PDE4D: variants seen among roughly 807,000 people sequenced by gnomAD.
PDE4D encodes phosphodiesterase 4D.
Under a neutral mutation model 87.4 loss-of-function variants are expected in PDE4D, and 24 were observed. That is an observed-to-expected ratio of 0.27 (90% CI 0.20 to 0.39). PDE4D has a LOEUF of 0.39. Ranked by LOEUF, PDE4D falls within the 10% of genes least tolerant of loss-of-function variation. PDE4D has a pLI of 1.00. For synonymous variants in PDE4D, 384 were observed against 383.2 expected, an observed-to-expected ratio of 1.00 and a Z score of -0.02; for missense variants, 714 against 1,041.0, an observed-to-expected ratio of 0.69 and a Z score of 4.32.
chr5:59,852,491 A>G (rs904867218), intron 1 of PDE4D, among the ~76,000 whole-genome samples: 1 of 152,062 alleles, frequency 6.6e-6, no homozygotes, highest in Non-Finnish European at 1.5e-5. Flanking sequence ...CCCCAACAGC[A>G]GGCACTAATG....
intron 1 of PDE4D, among the ~76,000 whole-genome samples, chr5:59,659,637 T>C (rs1199258437): frequency 6.6e-6 from 1 of 152,248 alleles, no homozygotes; most frequent in Non-Finnish European, 1.5e-5. Flanking sequence ...GCTATCTCCT[T>C]TCTCTGACAG....
intron 5 of PDE4D, among the ~76,000 whole-genome samples, chr5:59,156,320 A>AAAAATATAT (rs548335725): frequency 7.2e-4 from 59 of 81,768 alleles, no homozygotes; most frequent in African/African-American, 2.9e-3. Flanking sequence ...AAAAAAAAAA[A>AAAAATATAT]ATATATATAT....
intron 5 of PDE4D, among the ~76,000 whole-genome samples, chr5:59,042,823 A>G (rs1759917818): frequency 6.6e-6 from 1 of 152,142 alleles, no homozygotes; most frequent in Non-Finnish European, 1.5e-5. Flanking sequence ...TGTCACAGTG[A>G]TATGCTTAGA....
At chr5:60,392,619 A>G (rs1014219551) in intron 1 of PDE4D, among the ~76,000 whole-genome samples, 7 of 152,214 alleles carry the variant, frequency 4.6e-5, no homozygotes, top group Admixed American at 6.5e-5. Flanking sequence ...ATACACCAAT[A>G]TTTAATTAGA....
chr5:60,426,021 AAGTC>A (rs1743680572), intron 1 of PDE4D, among the ~76,000 whole-genome samples: 2 of 152,214 alleles, frequency 1.3e-5, no homozygotes, highest in Admixed American at 6.5e-5. Context: ...AATTATTAAA[AAGTC>A]AGGAAACAAC....
chr5:59,057,787 G>GA (rs918283136), intron 5 of PDE4D, among the ~76,000 whole-genome samples: 2 of 152,074 alleles, frequency 1.3e-5, no homozygotes, highest in East Asian at 1.9e-4. Context: ...TTTCTGGGTA[G>GA]AAAAAAATAA....
intron 1 of PDE4D, among the ~76,000 whole-genome samples, chr5:59,339,528 C>A (rs141957561): frequency 2.0e-5 from 3 of 152,102 alleles, no homozygotes; most frequent in African/African-American, 7.2e-5. Context: ...ATTCTCAGTG[C>A]CTTTAATATG....
Position 59,833,014 on chromosome 5 carries a change from T to C in PDE4D, c.455+60154A>G, listed in dbSNP as rs148178348. The stretch of plus-strand genomic sequence containing the variant: ...GAGAGGTCAGTGAAGGTCTGACAAG[T>C]AGAAGCAGCAGTGGCAGTGACATAG... On this transcript the variant is annotated intron_variant, in intron 1 of 14. Transcript: ENST00000340635. Among the ~76,000 whole-genome samples the C allele has an allele frequency of 2.4e-4, 37 of 151,986 alleles. No individual in the cohort carries two copies. In the East Asian group the frequency reaches 6.4e-3, roughly 26 times the overall value.
At chr5:59,723,727 T>C (rs866148526) in intron 1 of PDE4D, among the ~76,000 whole-genome samples, 8 of 152,144 alleles carry the variant, frequency 5.3e-5, no homozygotes, top group Non-Finnish European at 5.9e-5. Flanking sequence ...AACACTTTCT[T>C]TAGAGATGCA....
At chr5:59,690,948 A>G (rs1158490769) in intron 1 of PDE4D, among the ~76,000 whole-genome samples, 1 of 152,258 alleles carries the variant, frequency 6.6e-6, no homozygotes, top group African/African-American at 2.4e-5. Flanking sequence ...ACATTTATGC[A>G]GCCAACAGAC....
intron 1 of PDE4D, among the ~76,000 whole-genome samples, chr5:59,232,511 CAA>C (rs34024693): frequency 2.8e-5 from 4 of 141,836 alleles, no homozygotes; most frequent in Non-Finnish European, 6.1e-5. Context: ...ATTAAAAGAC[CAA>C]AAAAAAAAAA....
At chr5:59,590,757 T>G (rs75442611) in intron 1 of PDE4D, among the ~76,000 whole-genome samples, 4,073 of 152,168 alleles carry the variant, frequency 0.027, 157 homozygotes, top group African/African-American at 0.084. Flanking sequence ...TAAGTGAACT[T>G]ATATTAACTA....
intron 1 of PDE4D, among the ~76,000 whole-genome samples, chr5:59,487,813 C>T (rs1430724279): frequency 6.6e-6 from 1 of 152,164 alleles, no homozygotes; most frequent in Non-Finnish European, 1.5e-5. Context: ...AAATAGCTCC[C>T]TTCTAGCACT....
In PDE4D at chr5:59,144,890, T is replaced by TG. The variant is rs398064847; in HGVS notation, c.808+35704dup. 4.6e-3 allele frequency among the ~76,000 whole-genome samples: 200 copies of TG among 43,766 alleles called. 2 individuals are homozygous for TG. The highest frequency in any genetic ancestry group is 0.012 in the South Asian group (9 of 764). The allele number at this position is 43,766 out of a possible 152,430, so 28.7% of individuals were successfully genotyped here. On this transcript the variant is annotated intron_variant, in intron 5 of 14. Transcript: ENST00000340635. ...CCGTATTCCCTTTAATAGGGTTTAA[T>TG]GGGGGGGGGGGGGGGAACCATCCAG...
chr5:59,007,191 C>T (rs1157166479), intron 6 of PDE4D, among the ~76,000 whole-genome samples: 3 of 152,168 alleles, frequency 2.0e-5, no homozygotes, highest in African/African-American at 7.2e-5. Flanking sequence ...GGCAGTAGCA[C>T]TGTTTGCAGT....
intron 1 of PDE4D, among the ~76,000 whole-genome samples, chr5:59,604,730 T>C (rs781284279): frequency 2.0e-4 from 31 of 152,016 alleles, no homozygotes; most frequent in Non-Finnish European, 4.1e-4. Context: ...GCCTATCACA[T>C]TCGTTTAAGA....
At chr5:60,076,099 T>TTA (rs1451047450) in intron 2 of PDE4D, among the ~76,000 whole-genome samples, 1 of 152,150 alleles carries the variant, frequency 6.6e-6, no homozygotes, top group Non-Finnish European at 1.5e-5. Context: ...CTTTTTGAGT[T>TTA]CTTAGAGTTC....
chr5:59,322,727 TATAAACTGAGGC>T, intron 1 of PDE4D, among the ~76,000 whole-genome samples: 1 of 152,136 alleles, frequency 6.6e-6, no homozygotes, highest in East Asian at 1.9e-4. Flanking sequence ...GATACTGCTT[TATAAACTGAGGC>T]CTTACAAAGT....
At chr5:59,521,900 G>A (rs1305670928) in intron 1 of PDE4D, among the ~76,000 whole-genome samples, 5 of 152,170 alleles carry the variant, frequency 3.3e-5, no homozygotes, top group African/African-American at 9.6e-5. Flanking sequence ...ACCGTTGAAG[G>A]TTGAATGTTT....
Sources: gnomAD v4.1 joint callset for allele counts (sites outside exome capture counted in the v4.1 genomes callset) on GRCh38, gnomAD v4.1.1 for gene constraint, MANE v1.5 for transcripts, NCBI Gene and HGNC (gene_info 2026-07-23, HGNC 2026-07-21) for gene names.